The following COL21A1 variants were observed in gnomAD, a reference collection of about 807,000 sequenced individuals.
COL21A1 encodes collagen type XXI alpha 1 chain.
COL21A1 carries 149 observed loss-of-function variants against 137.9 expected under a neutral mutation model. That is an observed-to-expected ratio of 1.08 (90% CI 0.95 to 1.24). The LOEUF (loss-of-function observed/expected upper bound fraction) is 1.24, where lower values mean the gene tolerates loss of function less well. COL21A1 is among the 50% of genes most tolerant of loss of function. The pLI, the probability that COL21A1 is intolerant of heterozygous loss-of-function variation, is 0.00. For synonymous variants in COL21A1, 456 were observed against 391.5 expected, an observed-to-expected ratio of 1.16 and a Z score of -1.95; for missense variants, 1,167 against 1,158.4, an observed-to-expected ratio of 1.01 and a Z score of -0.11.
At chr6:56,332,427 C>CA (rs1765248166) in intron 1 of COL21A1, among the ~76,000 whole-genome samples, 1 of 149,820 alleles carries the variant, frequency 6.7e-6, no homozygotes, top group South Asian at 2.1e-4. Flanking sequence ...GAAGTGCGTT[C>CA]AAAAAATCAT....
chr6:56,181,695 C>G (rs1582578949), intron 2 of COL21A1, among the ~76,000 whole-genome samples: 1 of 152,202 alleles, frequency 6.6e-6, no homozygotes, highest in East Asian at 1.9e-4. Context: ...AGAACCTCTT[C>G]CTTAGAGAGA....
chr6:56,370,899 A>C (rs1406203573), intron 1 of COL21A1, among the ~76,000 whole-genome samples: 1 of 152,248 alleles, frequency 6.6e-6, no homozygotes, highest in African/African-American at 2.4e-5. Context: ...GATTTTGCAG[A>C]GCAACAGATG....
chr6:56,351,051 G>A (rs1348606860), intron 1 of COL21A1, among the ~76,000 whole-genome samples: 1 of 152,188 alleles, frequency 6.6e-6, no homozygotes, highest in East Asian at 1.9e-4. Context: ...CTCTGTGCCC[G>A]GCCTTCTGCC....
intron 16 of COL21A1, among the ~76,000 whole-genome samples, chr6:56,121,523 T>TAC (rs1772515197): frequency 7.0e-6 from 1 of 142,236 alleles, no homozygotes; most frequent in African/African-American, 2.6e-5. Context: ...TATATATATA[T>TAC]ACATATACAT....
In COL21A1 at chr6:56,304,230, G is replaced by A. The variant is rs531918099; in HGVS notation, c.-39+89741C>T. ...TGTCTCTGCCCAGCTTTGGTATCAG[G>A]ATGATGCTGGCCTCATAAAATGAGT... is the stretch of plus-strand genomic sequence containing the variant. On this transcript the variant is annotated intron_variant, in intron 1 of 28. Coordinates refer to the COL21A1 transcript ENST00000370819. Among the ~76,000 whole-genome samples the A allele has an allele frequency of 2.7e-4, 41 of 152,082 alleles. 1 individual carries two copies. The highest frequency in any genetic ancestry group is 7.5e-4 in the African/African-American group (31 of 41,476).
At chr6:56,360,223 G>A (rs992056878) in intron 1 of COL21A1, among the ~76,000 whole-genome samples, 2 of 152,170 alleles carry the variant, frequency 1.3e-5, no homozygotes, top group African/African-American at 4.8e-5. Context: ...CACATAAAGA[G>A]AGTAAAGCCA....
At position 56,097,868 on chromosome 6, in the gene COL21A1, TATCTATAAATATATAAATATATATAA is replaced by T. The variant is rs1562188254; in HGVS notation, c.1812+3578_1812+3603del. On this transcript the variant is annotated intron_variant, in intron 17 of 29. Transcript: ENST00000244728. ...ATAAATATATATAAATATATAAAAA[TATCTATAAATATATAAATATATATAA>T]ATATATAAATATATAAATATATATA... Among the ~76,000 whole-genome samples the T allele has an allele frequency of 8.5e-4, 73 of 86,162 alleles. 4 individuals are homozygous for T. Among genetic ancestry groups the T allele is most frequent in the East Asian group, 1.1e-3 (4 of 3,680 alleles). 56.5% of individuals were successfully genotyped at this position (86,162 alleles called of 152,430 possible). A position where few individuals can be genotyped will look rare whatever the true frequency, so the allele number is the denominator to read the frequency against.
intron 1 of COL21A1, among the ~76,000 whole-genome samples, chr6:56,255,214 G>T (rs191024863): frequency 2.6e-4 from 40 of 152,022 alleles, no homozygotes; most frequent in Non-Finnish European, 4.1e-4. Context: ...CTTATTTCTC[G>T]TGTTCTATAA....
intron 1 of COL21A1, among the ~76,000 whole-genome samples, chr6:56,276,103 C>T (rs185508673): frequency 2.0e-5 from 3 of 152,074 alleles, no homozygotes; most frequent in Non-Finnish European, 4.4e-5. Flanking sequence ...AAATCAGAGG[C>T]AAATTAACAC....
chr6:56,350,124 C>T (rs745637383), intron 1 of COL21A1, among the ~76,000 whole-genome samples: 5 of 152,286 alleles, frequency 3.3e-5, no homozygotes, highest in Admixed American at 6.5e-5. Context: ...CAGAACATGG[C>T]CCCCAGTCAA....
intron 12 of COL21A1, among the ~76,000 whole-genome samples, chr6:56,136,861 G>A (rs913405109): frequency 3.3e-5 from 5 of 152,100 alleles, no homozygotes; most frequent in Admixed American, 6.6e-5. Flanking sequence ...AGAGAGAAAT[G>A]TAGACCATGA....
At chr6:56,213,307 T>C (rs767721560) in intron 1 of COL21A1, among the ~76,000 whole-genome samples, 2 of 152,142 alleles carry the variant, frequency 1.3e-5, no homozygotes, top group Non-Finnish European at 2.9e-5. Flanking sequence ...TGTTTTCACT[T>C]ACATTATCCA....
chr6:56,337,545 A>C (rs1239010356), intron 1 of COL21A1, among the ~76,000 whole-genome samples: 1 of 152,230 alleles, frequency 6.6e-6, no homozygotes, highest in Non-Finnish European at 1.5e-5. Flanking sequence ...TCAGCTCTGG[A>C]GTCAGACATC....
chr6:56,254,229 A>G (rs1414381541), intron 1 of COL21A1, among the ~76,000 whole-genome samples: 1 of 152,242 alleles, frequency 6.6e-6, no homozygotes. Context: ...ATGATTTCCT[A>G]TTAGGCTTCT....
At chr6:56,307,015 G>A (rs1421386689) in intron 1 of COL21A1, among the ~76,000 whole-genome samples, 1 of 152,226 alleles carries the variant, frequency 6.6e-6, no homozygotes, top group Non-Finnish European at 1.5e-5. Context: ...CTGGGTATCA[G>A]CAGCAGAGGC....
At chr6:56,329,794 C>T (rs1273748219) in intron 1 of COL21A1, among the ~76,000 whole-genome samples, 1 of 152,020 alleles carries the variant, frequency 6.6e-6, no homozygotes, top group Non-Finnish European at 1.5e-5. Context: ...TTAATAAAGG[C>T]TTCATATATC....
At chr6:56,125,314 C>G (rs543159809) in intron 14 of COL21A1, 58 of 265,078 alleles carry the variant, frequency 2.2e-4, no homozygotes, top group African/African-American at 1.3e-3. Context: ...CCACCGCGCC[C>G]GGCCTGTAAA....
At chr6:56,201,849 C>A (rs1779428913) in intron 1 of COL21A1, among the ~76,000 whole-genome samples, 1 of 152,038 alleles carries the variant, frequency 6.6e-6, no homozygotes, top group Non-Finnish European at 1.5e-5. Context: ...TTATAGCCAA[C>A]CCACTATTTA....
chr6:56,159,029 C>T (rs1775999903), intron 9 of COL21A1, among the ~76,000 whole-genome samples: 1 of 152,118 alleles, frequency 6.6e-6, no homozygotes, highest in Non-Finnish European at 1.5e-5. Context: ...AGAAGGTGCA[C>T]ATTAATCTCC....
Sources: allele counts gnomAD v4.1 joint callset (sites outside exome capture counted in the v4.1 genomes callset), GRCh38; gene constraint gnomAD v4.1.1; transcripts MANE v1.5; gene names NCBI Gene and HGNC (gene_info 2026-07-23, HGNC 2026-07-21).